The following PRKG1 variants were observed in gnomAD, a reference collection of about 807,000 sequenced individuals.
PRKG1 encodes protein kinase cGMP-dependent 1, also known as cGMP-dependent protein kinase 1.
A neutral mutation model predicts 88.1 loss-of-function variants in PRKG1; 35 were observed. The observed-to-expected ratio is 0.40, with a 90% CI of 0.30 to 0.53. PRKG1 has a LOEUF of 0.53. PRKG1 is among the 20% of genes least tolerant of loss of function. PRKG1 has a pLI of 0.59. For missense variants in PRKG1, 540 were observed against 839.8 expected, an observed-to-expected ratio of 0.64 and a Z score of 4.41; for synonymous variants, 303 against 292.5, an observed-to-expected ratio of 1.04 and a Z score of -0.37.
chr10:52,221,487 C>T (rs528122496), intron 9 of PRKG1, among the ~76,000 whole-genome samples: 1 of 152,212 alleles, frequency 6.6e-6, no homozygotes, highest in South Asian at 2.1e-4. Context: ...TATTTGCACA[C>T]TCCATATTTC....
intron 2 of PRKG1, among the ~76,000 whole-genome samples, chr10:51,375,601 G>A (rs73332412): frequency 0.015 from 2,287 of 152,202 alleles, 47 homozygotes; most frequent in African/African-American, 0.05. Context: ...TTAGGGATAC[G>A]CAGCCTGTTG....
At chr10:51,570,903 T>C (rs11817932) in intron 3 of PRKG1, among the ~76,000 whole-genome samples, 21,509 of 151,860 alleles carry the variant, frequency 0.14, 1,638 homozygotes, top group African/African-American at 0.19. Context: ...CTGTAACCCA[T>C]CAAAATGTGT....
chr10:52,275,654 G>T (rs1356139959), intron 12 of PRKG1, among the ~76,000 whole-genome samples: 5 of 151,948 alleles, frequency 3.3e-5, no homozygotes, highest in Non-Finnish European at 7.4e-5. Context: ...ATCTTGCTTT[G>T]GCTATGTGGG....
chr10:51,297,086 A>G lies in PRKG1; in HGVS notation c.478+143756A>G, dbSNP rs777142930. On this transcript the variant is annotated intron_variant, in intron 2 of 17. Coordinates refer to ENST00000373980, the MANE Select transcript of PRKG1 (RefSeq NM_006258.4). Reference sequence around the variant, plus strand: ...AGCATTGAGTCCAAAAGTGGAGAAAAGCCACAGTTCATCTTCCCTGGCAAT... The same window carrying G: ...AGCATTGAGTCCAAAAGTGGAGAAAGGCCACAGTTCATCTTCCCTGGCAAT... 3.0e-4 allele frequency among the ~76,000 whole-genome samples: 45 copies of G among 152,122 alleles called. 1 individual carries two copies. Among genetic ancestry groups the G allele is most frequent in the Non-Finnish European group, 2.9e-5 (2 of 67,968 alleles).
intron 1 of PRKG1, among the ~76,000 whole-genome samples, chr10:51,107,763 T>G (rs1307653733): frequency 7.1e-6 from 1 of 140,720 alleles, no homozygotes; most frequent in Non-Finnish European, 1.5e-5. Flanking sequence ...AGTCGCAGTT[T>G]CAGTGAGCCA....
chr10:51,384,787 A>G (rs1302035127), intron 2 of PRKG1, among the ~76,000 whole-genome samples: 7 of 152,096 alleles, frequency 4.6e-5, no homozygotes, highest in African/African-American at 1.7e-4. Flanking sequence ...GTCATAACTC[A>G]TATTTCCATG....
intron 3 of PRKG1, among the ~76,000 whole-genome samples, chr10:51,691,270 T>C (rs903204707): frequency 7.3e-5 from 11 of 150,940 alleles, no homozygotes; most frequent in African/African-American, 1.2e-4. Flanking sequence ...CAGAAATACA[T>C]GTGCCGAACC....
intron 2 of PRKG1, among the ~76,000 whole-genome samples, chr10:51,375,676 C>G (rs529673121): frequency 2.0e-5 from 3 of 151,968 alleles, no homozygotes; most frequent in Non-Finnish European, 4.4e-5. Flanking sequence ...AGGACAAAAT[C>G]CTACCCTGAT....
At chr10:51,858,407 TAA>T (rs1293307802) in intron 4 of PRKG1, among the ~76,000 whole-genome samples, 6 of 59,200 alleles carry the variant, frequency 1.0e-4, no homozygotes, top group Non-Finnish European at 2.0e-4. Context: ...ATAATATATA[TAA>T]AATATATATA....
intron 2 of PRKG1, among the ~76,000 whole-genome samples, chr10:51,183,591 G>A (rs755832875): frequency 6.6e-6 from 1 of 152,150 alleles, no homozygotes; most frequent in African/African-American, 2.4e-5. Context: ...ATGAAGAGAG[G>A]TAAATCTACT....
intron 3 of PRKG1, among the ~76,000 whole-genome samples, chr10:51,796,965 T>C (rs1359967851): frequency 6.6e-6 from 1 of 152,076 alleles, no homozygotes; most frequent in African/African-American, 2.4e-5. Flanking sequence ...CTATCTTTGC[T>C]TGGAGTCTTG....
intron 1 of PRKG1, among the ~76,000 whole-genome samples, chr10:51,119,609 G>A (rs938824710): frequency 1.8e-4 from 27 of 151,896 alleles, no homozygotes; most frequent in African/African-American, 5.6e-4. Flanking sequence ...TTCATTTCCT[G>A]TTTTGATTTT....
intron 4 of PRKG1, among the ~76,000 whole-genome samples, chr10:51,895,720 G>A (rs1176368010): frequency 6.6e-6 from 1 of 152,012 alleles, no homozygotes; most frequent in Non-Finnish European, 1.5e-5. Flanking sequence ...AGGGTTTTTG[G>A]TCAATACTAG....
intron 3 of PRKG1, among the ~76,000 whole-genome samples, chr10:51,793,511 A>C (rs903126115): frequency 6.6e-6 from 1 of 152,168 alleles, no homozygotes; most frequent in Non-Finnish European, 1.5e-5. Flanking sequence ...TTCAAACCTA[A>C]AGAAAAATAT....
At chr10:51,560,831 T>C (rs569453942) in intron 3 of PRKG1, among the ~76,000 whole-genome samples, 31 of 152,284 alleles carry the variant, frequency 2.0e-4, no homozygotes, top group African/African-American at 7.2e-4. Context: ...GATAGAAATG[T>C]ATAACAAATA....
chr10:51,926,858 T>A (rs1320188556), intron 5 of PRKG1, among the ~76,000 whole-genome samples: 1 of 90,684 alleles, frequency 1.1e-5, no homozygotes, highest in African/African-American at 8.0e-5. Flanking sequence ...GCCATACCTT[T>A]TAGTGTTAAG....
At chr10:51,422,329 T>C (rs1307553709) in intron 2 of PRKG1, among the ~76,000 whole-genome samples, 1 of 152,168 alleles carries the variant, frequency 6.6e-6, no homozygotes, top group Admixed American at 6.6e-5. Context: ...GGGGACTCCA[T>C]AGGATGCCAC....
At chr10:52,213,727 G>A (rs1193780125) in intron 9 of PRKG1, among the ~76,000 whole-genome samples, 1 of 152,190 alleles carries the variant, frequency 6.6e-6, no homozygotes, top group Non-Finnish European at 1.5e-5. Context: ...GACTGGAAGA[G>A]AGGCAGTGGC....
intron 2 of PRKG1, among the ~76,000 whole-genome samples, chr10:51,187,761 C>G (rs1837529732): frequency 6.6e-6 from 1 of 151,944 alleles, no homozygotes; most frequent in Non-Finnish European, 1.5e-5. Flanking sequence ...GCCTAAATAT[C>G]ATAGCTGATA....
Sources: gnomAD v4.1 joint callset for allele counts (sites outside exome capture counted in the v4.1 genomes callset) on GRCh38, gnomAD v4.1.1 for gene constraint, MANE v1.5 for transcripts, NCBI Gene and HGNC (gene_info 2026-07-23, HGNC 2026-07-21) for gene names.